YAF2: variants seen among roughly 807,000 people sequenced by gnomAD.
YAF2 encodes the protein YY1-associated factor 2.
Under a neutral mutation model 20.1 loss-of-function variants are expected in YAF2, and 7 were observed. The ratio of observed to expected loss-of-function variants is 0.35; its 90% CI spans 0.20 to 0.65. The LOEUF (loss-of-function observed/expected upper bound fraction) is 0.65, where lower values mean the gene tolerates loss of function less well. Among genes scored for constraint, YAF2 ranks in the 30% least tolerant of loss-of-function variants. The probability of loss-of-function intolerance (pLI) is 0.69; values close to 1 mark genes in which losing one functional copy is unlikely to be tolerated. For missense variants in YAF2, 151 were observed against 219.2 expected (o/e 0.69, Z 1.96); for synonymous variants, 74 against 76.0 (o/e 0.97, Z 0.14).
chr12:42,223,659 C>T (rs2067590810), intron 2 of YAF2, among the ~76,000 whole-genome samples: 1 of 152,074 alleles, frequency 6.6e-6, no homozygotes, highest in Non-Finnish European at 1.5e-5. Context: ...CCTCGCCCCA[C>T]CAGAAGTGCT....
chr12:42,208,934 A>G (rs2067127917), intron 2 of YAF2, among the ~76,000 whole-genome samples: 1 of 152,250 alleles, frequency 6.6e-6, no homozygotes, highest in Admixed American at 6.5e-5. Context: ...TAAAACAGCT[A>G]TAAGCAGGAC....
chr12:42,173,442 C>A (rs1349673525), intron 2 of YAF2, among the ~76,000 whole-genome samples: 1 of 152,166 alleles, frequency 6.6e-6, no homozygotes, highest in East Asian at 1.9e-4. Context: ...AAGTTTTCAG[C>A]AAAGCCTCTC....
chr12:42,195,590 T>C (rs921156375), intron 2 of YAF2, among the ~76,000 whole-genome samples: 1 of 152,162 alleles, frequency 6.6e-6, no homozygotes, highest in Admixed American at 6.5e-5. Context: ...TCAGAATTAA[T>C]GATTATTAAA....
At chr12:42,186,610 G>A (rs2066481181) in intron 2 of YAF2, among the ~76,000 whole-genome samples, 1 of 152,070 alleles carries the variant, frequency 6.6e-6, no homozygotes, top group South Asian at 2.1e-4. Flanking sequence ...CCAGGAGGTG[G>A]AGGTTGCGGT....
intron 2 of YAF2, among the ~76,000 whole-genome samples, chr12:42,171,233 C>T (rs186830576): frequency 1.3e-5 from 2 of 152,270 alleles, no homozygotes; most frequent in South Asian, 2.1e-4. Flanking sequence ...TCAAGTGATC[C>T]GCCCACCTTG....
intron 2 of YAF2, among the ~76,000 whole-genome samples, chr12:42,196,699 G>A (rs2066761585): frequency 6.6e-6 from 1 of 152,170 alleles, no homozygotes; most frequent in African/African-American, 2.4e-5. Context: ...TGAACAAAGT[G>A]TTGCTACATC....
intron 2 of YAF2, among the ~76,000 whole-genome samples, chr12:42,224,450 C>T (rs931136778): frequency 2.0e-5 from 3 of 152,086 alleles, no homozygotes; most frequent in African/African-American, 7.2e-5. Flanking sequence ...CATAGGTATA[C>T]ACGTGCCATA....
chr12:42,209,563 CA>C (rs71084623), intron 2 of YAF2, among the ~76,000 whole-genome samples: 1,435 of 27,776 alleles, frequency 0.052, 9 homozygotes, highest in East Asian at 0.18. Flanking sequence ...GACTTTGTCT[CA>C]AAAAAAAAAA....
chr12:42,223,653 G>A (rs963721328), intron 2 of YAF2, among the ~76,000 whole-genome samples: 4 of 152,020 alleles, frequency 2.6e-5, no homozygotes, highest in South Asian at 2.1e-4. Context: ...GAGCCACCTC[G>A]CCCCACCAGA....
intron 2 of YAF2, among the ~76,000 whole-genome samples, chr12:42,179,789 C>CAAA (rs71084622): frequency 6.3e-4 from 54 of 85,146 alleles, no homozygotes; most frequent in South Asian, 1.3e-3. Flanking sequence ...GTCTAAAAGG[C>CAAA]AAAAAAAAAA....
At chr12:42,203,664 T>A (rs1171671865) in intron 2 of YAF2, among the ~76,000 whole-genome samples, 2 of 152,236 alleles carry the variant, frequency 1.3e-5, no homozygotes, top group African/African-American at 4.8e-5. Flanking sequence ...AATTTTCTTA[T>A]AAATTGATAC....
chr12:42,174,043 T>C (rs2066118763), intron 2 of YAF2, among the ~76,000 whole-genome samples: 1 of 151,306 alleles, frequency 6.6e-6, no homozygotes, highest in Admixed American at 6.6e-5. Flanking sequence ...TATTTCCTTC[T>C]CTACTGGGTT....
intron 2 of YAF2, among the ~76,000 whole-genome samples, chr12:42,185,750 A>T (rs1350019148): frequency 2.0e-5 from 3 of 152,218 alleles, no homozygotes; most frequent in Non-Finnish European, 2.9e-5. Flanking sequence ...TAATGCTATT[A>T]TTACACATTT....
chr12:42,194,897 G>A (rs142407290), intron 2 of YAF2, among the ~76,000 whole-genome samples: 6 of 152,252 alleles, frequency 3.9e-5, no homozygotes, highest in Non-Finnish European at 7.4e-5. Context: ...CTCTCTAATA[G>A]TTCACATGTA....
Position 42,237,600 on chromosome 12 carries a change from G to T in YAF2, c.151C>A (p.Arg51=). 1.3e-6 allele frequency: 2 copies of T among 1,535,786 alleles called. No homozygotes were observed. The highest frequency in any genetic ancestry group is 2.8e-5 in the African/African-American group (2 of 71,618). Residue 51 remains arginine (R), a splice_region_variant and synonymous_variant, in exon 2 of 4, where the codon CGG becomes AGG. Transcript: ENST00000534854. The stretch of plus-strand genomic sequence containing the variant: ...GCGAGGGGCAGGCCCGGGACTCACC[G>T]GGTGGAGGTGCCCTTCCGCACATCG... ...MCDVRKGTST[R]KPRPVSQLVA... is the part of the protein sequence containing the mutation.
At chr12:42,164,939 C>G (rs576558316) in intron 2 of YAF2, among the ~76,000 whole-genome samples, 8 of 151,678 alleles carry the variant, frequency 5.3e-5, no homozygotes, top group Admixed American at 5.3e-4. Context: ...AGTAAAGGTA[C>G]GCGCCTGTAG....
chr12:42,168,111 A>G (rs910831586), intron 2 of YAF2, among the ~76,000 whole-genome samples: 8 of 152,102 alleles, frequency 5.3e-5, no homozygotes, highest in South Asian at 2.1e-4. Flanking sequence ...TTTGTCTCAC[A>G]TAACTCCCAC....
At chr12:42,179,380 G>A (rs1032236860) in intron 2 of YAF2, among the ~76,000 whole-genome samples, 4 of 152,238 alleles carry the variant, frequency 2.6e-5, no homozygotes, top group African/African-American at 9.6e-5. Flanking sequence ...TGAGGCAGGA[G>A]AATCGCTTGA....
chr12:42,187,393 C>A (rs2066501055), intron 2 of YAF2, among the ~76,000 whole-genome samples: 1 of 152,122 alleles, frequency 6.6e-6, no homozygotes, highest in Admixed American at 6.5e-5. Context: ...CTCCTGGCCT[C>A]AAGCCATCCT....
Sources: allele counts gnomAD v4.1 joint callset (sites outside exome capture counted in the v4.1 genomes callset), GRCh38; gene constraint gnomAD v4.1.1; transcripts MANE v1.5; gene names NCBI Gene and HGNC (gene_info 2026-07-23, HGNC 2026-07-21).